Variants in CIAO3 observed in about 807,000 individuals in gnomAD.
The protein encoded by CIAO3 is cytosolic iron-sulfur assembly component 3.
Under a neutral mutation model 51.5 loss-of-function variants are expected in CIAO3, and 45 were observed. That is an observed-to-expected ratio of 0.87 (90% CI 0.69 to 1.12). The LOEUF (loss-of-function observed/expected upper bound fraction) is 1.12, where lower values mean the gene tolerates loss of function less well. Among genes scored for constraint, CIAO3 ranks in the 50% most tolerant of loss-of-function variants. CIAO3 has a pLI of 0.00. For missense variants in CIAO3, 668 were observed against 632.5 expected, an observed-to-expected ratio of 1.06 and a Z score of -0.60; for synonymous variants, 314 against 269.3, an observed-to-expected ratio of 1.17 and a Z score of -1.63.
chr16:731,379 C>T (rs2041279869), intron 9 of CIAO3, 186 bp downstream of exon 9: 3 of 785,832 alleles, frequency 3.8e-6, no homozygotes, highest in Non-Finnish European at 5.7e-6. Context: ...GCCTGGAGTG[C>T]TTAGGTGCCT....
chr16:737,786 G>A lies in CIAO3; in HGVS notation c.163-457C>T. 1 of 1,210,246 alleles carries A rather than the reference G, an allele frequency of 8.3e-7. No homozygotes were observed. Among genetic ancestry groups the A allele is most frequent in the South Asian group, 1.5e-5 (1 of 68,382 alleles). 75.0% of individuals were successfully genotyped at this position (1,210,246 alleles called of 1,614,324 possible). ...GCAGAGGGAGGAAGCCTGGGAGCCTGGCCTCCGGTGGGCGGGGCAGAAACA... is the reference window on the plus strand; with the variant it reads ...GCAGAGGGAGGAAGCCTGGGAGCCTAGCCTCCGGTGGGCGGGGCAGAAACA... On this transcript the variant is annotated intron_variant, in intron 2 of 10. Coordinates refer to ENST00000251588, the MANE Select transcript of CIAO3 (RefSeq NM_022493.3). This position sits in a 1 kb window ranked among gnomAD's most constrained non-coding sequence, Gnocchi z 5.3.
At chr16:738,858 C>G (rs889168244) in intron 2 of CIAO3, among the ~76,000 whole-genome samples, 2 of 147,696 alleles carry the variant, frequency 1.4e-5, no homozygotes, top group Non-Finnish European at 3.0e-5. Context: ...AGGCTGGTCT[C>G]GAACTCCTGA....
intron 7 of CIAO3, chr16:732,729 C>T (rs995314055): frequency 9.5e-5 from 34 of 356,604 alleles, no homozygotes; most frequent in African/African-American, 4.7e-4. Context: ...CTCTGCCCCC[C>T]GGGATCAAGT....
At position 737,369 on chromosome 16, in the gene CIAO3, G is replaced by A. The variant is rs771605953; in HGVS notation, c.163-40C>T. 48 of 1,610,414 alleles carry A rather than the reference G, an allele frequency of 3.0e-5. No individual in the cohort carries two copies. Among genetic ancestry groups the A allele is most frequent in the Non-Finnish European group, 3.6e-5 (43 of 1,178,748 alleles). On this transcript the variant is annotated intron_variant, in intron 2 of 10. Transcript: ENST00000251588. The surrounding 1 kb of genome is among the most constrained non-coding windows in gnomAD (Gnocchi z 5.3). ...AACCCGGTGCACAGGGGCCCCCTCTGCACGAGGACATGGAGACAGAGGATA... is the reference window on the plus strand; with the variant it reads ...AACCCGGTGCACAGGGGCCCCCTCTACACGAGGACATGGAGACAGAGGATA...
chr16:740,096 G>T (rs771605978), intron 1 of CIAO3: 46 of 1,326,534 alleles, frequency 3.5e-5, no homozygotes, highest in Non-Finnish European at 4.4e-5. Flanking sequence ...GAGGACGTGT[G>T]CTTGGATCTG....
rs1001520964 is a variant in CIAO3, at chr16:737,800, G to A, written c.163-471C>T. The A allele has an allele frequency of 1.5e-5, 18 of 1,200,058 alleles. No individual in the cohort carries two copies. The East Asian group carries it at 1.8e-4, about 12-fold the overall frequency. The allele number at this position is 1,200,058 out of a possible 1,614,324, so 74.3% of individuals were successfully genotyped here. The stretch of plus-strand genomic sequence containing the variant: ...CCTGGGAGCCTGGCCTCCGGTGGGC[G>A]GGGCAGAAACAACCGTCAGACTCGC... On this transcript the variant is annotated intron_variant, in intron 2 of 10. Coordinates refer to ENST00000251588, the MANE Select transcript of CIAO3 (RefSeq NM_022493.3). The surrounding 1 kb of genome is among the most constrained non-coding windows in gnomAD (Gnocchi z 5.3).
intron 1 of CIAO3, chr16:740,648 G>A: frequency 1.9e-6 from 1 of 515,844 alleles, no homozygotes; most frequent in Non-Finnish European, 3.4e-6. Context: ...CGCGACCACG[G>A]GACCCTCCCA....
In CIAO3 at chr16:734,359, G is replaced by C; in HGVS notation, c.575-12C>G. On this transcript the variant is annotated splice_polypyrimidine_tract_variant and intron_variant, in intron 5 of 10. Transcript: ENST00000251588. ...ATAGCAGATCCAGCCTGAGGTGACA[G>C]GGGGCACACGGGGCTGGCGGGGGCG... 1 of 1,590,690 alleles carries C rather than the reference G, an allele frequency of 6.3e-7. No homozygotes were observed. The highest frequency in any genetic ancestry group is 8.6e-7 in the Non-Finnish European group (1 of 1,166,416).
At chr16:740,786 C>T in intron 1 of CIAO3, 134 bp downstream of exon 1, 1 of 890,222 alleles carries the variant, frequency 1.1e-6, no homozygotes, top group South Asian at 1.5e-5. Flanking sequence ...TCGATAGAGT[C>T]CCTGACGGCC....
At chr16:733,517 C>T (rs1400770821) in intron 6 of CIAO3, 90 bp from the exon 7 acceptor site, 50 of 1,580,552 alleles carry the variant, frequency 3.2e-5, no homozygotes, top group East Asian at 4.5e-5. Context: ...GCAGCCAGGC[C>T]GGACCCCGAG....
In CIAO3 at chr16:730,482, G is replaced by C. The variant is rs373625573; in HGVS notation, c.1366C>G (p.Arg456Gly). 5 of 1,608,792 alleles carry C rather than the reference G, an allele frequency of 3.1e-6. No homozygotes were observed. The South Asian group carries it at 5.5e-5, about 18-fold the overall frequency. Residue 456 changes from arginine (R) to glycine (G), a missense_variant, in exon 11 of 11, where the codon CGC (arginine) becomes GGC (glycine). Transcript: ENST00000251588. Reference sequence around the variant, plus strand: ...GCGTGGTACTGCGTATGCAGCAAGCGACCTGCACACTCCGAGTCCGTGCCC... The same window carrying C: ...GCGTGGTACTGCGTATGCAGCAAGCCACCTGCACACTCCGAGTCCGTGCCC... ...LQGTDSECAG[R>G]LLHTQYHAVE...
chr16:733,820 G>T, intron 6 of CIAO3: 1 of 359,816 alleles, frequency 2.8e-6, no homozygotes, highest in South Asian at 2.5e-5. Flanking sequence ...ATGGGCGCTC[G>T]AGGCCCAGGC....
At position 734,126 on chromosome 16, in the gene CIAO3, G is replaced by A. The variant is rs1048835092; in HGVS notation, c.693+103C>T. The A allele has an allele frequency of 1.9e-4, 199 of 1,027,936 alleles. 5 individuals carry two copies. The South Asian group carries it at 2.2e-3, about 11-fold the overall frequency. 63.7% of individuals were successfully genotyped at this position (1,027,936 alleles called of 1,614,324 possible). On this transcript the variant is annotated intron_variant, in intron 6 of 10. Transcript: ENST00000251588. Reference sequence around the variant, plus strand: ...GAGGTGTGCTGGGGAAGGCCGCACAGCACAGCGAGGACTCTGTTTCCTGCA... The same window carrying A: ...GAGGTGTGCTGGGGAAGGCCGCACAACACAGCGAGGACTCTGTTTCCTGCA...
chr16:734,378 G>A (rs769388270), intron 5 of CIAO3, 31 bp from the exon 6 acceptor site: 21 of 1,518,390 alleles, frequency 1.4e-5, no homozygotes, highest in Admixed American at 1.3e-4. Context: ...CGGGGCTGGC[G>A]GGGGCGCACG....
Position 734,864 on chromosome 16 carries a change from G to C in CIAO3, c.447C>G (p.His149Gln). The C allele has an allele frequency of 1.3e-6, 2 of 1,561,616 alleles. No individual in the cohort carries two copies. Among genetic ancestry groups the C allele is most frequent in the South Asian group, 1.2e-5 (1 of 83,054 alleles). The change falls in exon 5 of 11, where the codon CAC becomes CAG. Residue 149 changes from histidine (H) to glutamine (Q), a missense_variant. Coordinates refer to ENST00000251588, the MANE Select transcript of CIAO3 (RefSeq NM_022493.3). ...TTGAGAAGGCGGTGTCGAAGACGAA[G>C]TGCACCCCTGGAAGGTGAAGGTGGG... ...LTSFFKKIGV[H>Q]FVFDTAFSRH...
At chr16:736,982 A>T in intron 3 of CIAO3, 1 of 636,680 alleles carries the variant, frequency 1.6e-6, no homozygotes, top group Non-Finnish European at 2.7e-6. Flanking sequence ...ATTTTGATGT[A>T]TATTTAGAAC....
intron 6 of CIAO3, 161 bp from the exon 7 acceptor site, chr16:733,588 T>C: frequency 9.4e-7 from 1 of 1,065,420 alleles, no homozygotes; most frequent in Non-Finnish European, 1.3e-6. Flanking sequence ...GATGTGTCCC[T>C]GGACAGGACG....
At position 729,818 on chromosome 16, in the gene CIAO3, G is replaced by A. The variant is rs1193875521; in HGVS notation, c.*599C>T. ...AAACGCTGGGAGACAGGCCTGGTGG[G>A]GACCTGGCTGGGGGATGATGCAGCC... On this transcript the variant is annotated 3_prime_UTR_variant, in exon 11 of 11. Coordinates refer to ENST00000251588, the MANE Select transcript of CIAO3 (RefSeq NM_022493.3). The A allele has an allele frequency of 4.6e-6, 4 of 878,048 alleles. No individual in the cohort carries two copies. Among genetic ancestry groups the A allele is most frequent in the Non-Finnish European group, 6.2e-6 (4 of 641,212 alleles). The allele number at this position is 878,048 out of a possible 1,614,324, so 54.4% of individuals were successfully genotyped here.
Position 729,967 on chromosome 16 carries a change from A to G in CIAO3, c.*450T>C. On this transcript the variant is annotated 3_prime_UTR_variant, in exon 11 of 11. Transcript: ENST00000251588. Reference sequence around the variant, plus strand: ...CCACACGCAGGGTTGTGGCGGGACCACCCCTGCAGGTCCAGCTCTGTCTCC... The same window carrying G: ...CCACACGCAGGGTTGTGGCGGGACCGCCCCTGCAGGTCCAGCTCTGTCTCC... The G allele has an allele frequency of 3.0e-6, 1 of 335,666 alleles. No homozygotes were observed. The highest frequency in any genetic ancestry group is 5.6e-6 in the Non-Finnish European group (1 of 177,806). 20.8% of individuals were successfully genotyped at this position (335,666 alleles called of 1,614,324 possible). A position where few individuals can be genotyped will look rare whatever the true frequency, so the allele number is the denominator to read the frequency against.
Sources: allele counts gnomAD v4.1 joint callset (sites outside exome capture counted in the v4.1 genomes callset), GRCh38; gene constraint gnomAD v4.1.1; non-coding constraint Gnocchi (gnomAD v3.1); transcripts MANE v1.5; gene names NCBI Gene and HGNC (gene_info 2026-07-23, HGNC 2026-07-21).